Variants in CPT2 observed in about 807,000 individuals in gnomAD.
CPT2 encodes carnitine palmitoyltransferase 2.
A neutral mutation model predicts 48.6 loss-of-function variants in CPT2; 37 were observed. That is an observed-to-expected ratio of 0.76 (90% confidence interval 0.59 to 1.00). The LOEUF is 1.00. Among genes scored for constraint, CPT2 ranks in the 50% least tolerant of loss-of-function variants. The pLI is 0.00. For synonymous variants in CPT2, 319 were observed against 326.9 expected (o/e 0.98, Z 0.26); for missense variants, 772 against 825.6 (o/e 0.94, Z 0.80).
rs2100254559 is a variant in CPT2, at chr1:53,196,934, T to C, written c.-10T>C. 6.5e-7 allele frequency: 1 copy of C among 1,544,006 alleles called. No homozygotes were observed. The highest frequency in any genetic ancestry group is 1.4e-5 in the African/African-American group (1 of 71,280). On this transcript the variant is annotated 5_prime_UTR_variant, in exon 1 of 5. Transcript: ENST00000371486. ...TTGCCGCGTTCTCGCCGCCGCAGGC[T>C]CCCGGGACGATGGTGCCCCGCCTGC... is the stretch of plus-strand genomic sequence containing the variant.
In CPT2 at chr1:53,211,265, A is replaced by T. The variant is rs1645426364; in HGVS notation, c.1591A>T (p.Met531Leu). 6.2e-7 allele frequency: 1 copy of T among 1,612,192 alleles called. No individual in the cohort carries two copies. The highest frequency in any genetic ancestry group is 8.5e-7 in the Non-Finnish European group (1 of 1,179,142). Residue 531 changes from methionine to leucine, a missense_variant, in exon 4 of 5, where the codon ATG (methionine) becomes TTG (leucine). Met to Leu is a conservative substitution (Grantham distance 15, BLOSUM62 2). Coordinates refer to ENST00000371486, the MANE Select transcript of CPT2 (RefSeq NM_000098.3). ...GCACAGTGCTGGTGAGCTTCAGCAGATGATGGTTGAGTGCTCCAAGTACCA... is the reference window on the plus strand; with the variant it reads ...GCACAGTGCTGGTGAGCTTCAGCAGTTGATGGTTGAGTGCTCCAAGTACCA... The part of the protein sequence containing the change: ...SRHSAGELQQ[M>L]MVECSKYHGQ...
chr1:53,200,854 C>A, intron 2 of CPT2, 55 bp downstream of exon 2: 1 of 1,388,874 alleles, frequency 7.2e-7, no homozygotes, highest in Non-Finnish European at 1.0e-6. Context: ...GACAGGCTGG[C>A]AAGTAGTGGT....
In CPT2 at chr1:53,210,156, G is replaced by A. The variant is rs1051337309; in HGVS notation, c.482G>A (p.Arg161Gln). The A allele has an allele frequency of 4.3e-6, 7 of 1,614,044 alleles. No individual in the cohort carries two copies. The East Asian group carries it at 8.9e-5, about 21-fold the overall frequency. Residue 161 changes from arginine to glutamine, a missense_variant, in exon 4 of 5, where the codon CGG (arginine) becomes CAG (glutamine). Coordinates refer to ENST00000371486, the MANE Select transcript of CPT2 (RefSeq NM_000098.3). ...RATNMTVSAI[R>Q]FLKTLRAGLL... is the part of the protein sequence containing the mutation. ...ACCAACATGACTGTTTCTGCCATCC[G>A]GTTTCTGAAGACACTCCGGGCTGGC...
At position 53,201,013 on chromosome 1, in the gene CPT2, T is replaced by C. The variant is rs186415169; in HGVS notation, c.233+214T>C. ...TCCTCTAAACAGGCTCAACAGGAGA[T>C]AGTTTATAAGCCAGAATGCCAAATG... On this transcript the variant is annotated intron_variant, in intron 2 of 4. Coordinates refer to ENST00000371486, the MANE Select transcript of CPT2 (RefSeq NM_000098.3). 145 of 599,998 alleles carry C rather than the reference T, an allele frequency of 2.4e-4. 1 individual carries two copies. In the African/African-American group the frequency reaches 2.4e-3, roughly 10 times the overall value. 37.2% of individuals were successfully genotyped at this position (599,998 alleles called of 1,614,324 possible). A position where few individuals can be genotyped will look rare whatever the true frequency, so the allele number is the denominator to read the frequency against.
chr1:53,210,356 A>C lies in CPT2; in HGVS notation c.682A>C (p.Lys228Gln). ...FRLFNSTRLP[K>Q]PSRDELFTDD... The stretch of plus-strand genomic sequence containing the variant: ...GCTTTTCAACTCAACTCGTTTACCC[A>C]AACCCAGTCGGGATGAACTCTTCAC... The change falls in exon 4 of 5, where the codon AAA (lysine) becomes CAA (glutamine). Residue 228 changes from lysine (K) to glutamine (Q), a missense_variant. Coordinates refer to ENST00000371486, the MANE Select transcript of CPT2 (RefSeq NM_000098.3). 3.1e-6 allele frequency: 5 copies of C among 1,614,124 alleles called. No homozygotes were observed. Among genetic ancestry groups the C allele is most frequent in the Non-Finnish European group, 4.2e-6 (5 of 1,180,024 alleles).
In CPT2 at chr1:53,202,335, A is replaced by G. The variant is rs761554630; in HGVS notation, c.246A>G (p.Gln82=). The change falls in exon 3 of 5, where the codon CAA becomes CAG. Residue 82 remains glutamine, a synonymous_variant. Transcript: ENST00000371486. ...LNDGQFRKTE[Q]FCKSFENGIG... The stretch of plus-strand genomic sequence containing the variant: ...TTGAATGTTTTAGGAAAACAGAACA[A>G]TTTTGCAAGAGTTTTGAAAATGGGA... 3 of 1,613,752 alleles carry G rather than the reference A, an allele frequency of 1.9e-6. No homozygotes were observed. The highest frequency in any genetic ancestry group is 3.3e-5 in the Admixed American group (2 of 60,014).
At chr1:53,206,777 A>G (rs1305589766) in intron 3 of CPT2, among the ~76,000 whole-genome samples, 1 of 152,248 alleles carries the variant, frequency 6.6e-6, no homozygotes, top group Admixed American at 6.5e-5. Context: ...GGCAGAAGGA[A>G]CTTGCCTTTA....
chr1:53,203,387 C>T (rs1645366090), intron 3 of CPT2: 1 of 152,190 alleles, frequency 6.6e-6, no homozygotes, highest in African/African-American at 2.4e-5. Context: ...CATAGAAACA[C>T]TATTGTCAGC....
chr1:53,213,302 C>G lies in CPT2; in HGVS notation c.1684C>G (p.Leu562Val). ...CCGACACTTGTTTGCTCTGCGGCAT[C>G]TGGCAGCAGCCAAAGGGATCATCTT... is the stretch of plus-strand genomic sequence containing the variant. ...FDRHLFALRH[L>V]AAAKGIILPE... The change falls in exon 5 of 5, where the codon CTG (leucine) becomes GTG (valine). Residue 562 changes from leucine to valine, a missense_variant. Physicochemically the swap from Leu to Val is conservative, Grantham distance 32. Transcript: ENST00000371486. 1 of 1,614,216 alleles carries G rather than the reference C, an allele frequency of 6.2e-7. No homozygotes were observed. Among genetic ancestry groups the G allele is most frequent in the Non-Finnish European group, 8.5e-7 (1 of 1,180,048 alleles).
chr1:53,210,833 G>C lies in CPT2; in HGVS notation c.1159G>C (p.Val387Leu). Reference protein sequence around the residue: ...GVAVLRFFNEVFKDSTQTPAV... With the variant: ...GVAVLRFFNELFKDSTQTPAV... ...GGCAGTGCTCAGATTTTTTAATGAA[G>C]TATTTAAAGACAGCACTCAGACCCC... Residue 387 changes from valine (V) to leucine (L), a missense_variant, in exon 4 of 5, where the codon GTA (valine) becomes CTA (leucine). Val to Leu is a conservative substitution (Grantham distance 32). Coordinates refer to ENST00000371486, the MANE Select transcript of CPT2 (RefSeq NM_000098.3). 6.2e-7 allele frequency: 1 copy of C among 1,614,132 alleles called. No individual in the cohort carries two copies. The highest frequency in any genetic ancestry group is 8.5e-7 in the Non-Finnish European group (1 of 1,180,022).
intron 3 of CPT2, 82 bp downstream of exon 3, chr1:53,202,511 C>T: frequency 8.4e-7 from 1 of 1,194,344 alleles, no homozygotes; most frequent in Non-Finnish European, 1.2e-6. Flanking sequence ...CTGTTTTGGT[C>T]TCAGAGATAT....
intron 3 of CPT2, among the ~76,000 whole-genome samples, chr1:53,207,089 G>A (rs1645394169): frequency 6.6e-6 from 1 of 152,180 alleles, no homozygotes; most frequent in Non-Finnish European, 1.5e-5. Flanking sequence ...AAAAGTGTTT[G>A]GCAGTTCCTA....
rs1359602721 is a variant in CPT2, at chr1:53,213,468, A to G, written c.1850A>G (p.His617Arg). Residue 617 changes from histidine (H) to arginine (R), a missense_variant, in exon 5 of 5, where the codon CAT becomes CGT. By Grantham distance (29) the His-to-Arg change is conservative. Coordinates refer to ENST00000371486, the MANE Select transcript of CPT2 (RefSeq NM_000098.3). ...GGCTTTGGTGTTGGGTATGCTGTTC[A>G]TGACAACTGGATAGGCTGCAATGTC... ...SDGFGVGYAV[H>R]DNWIGCNVSS... 17 of 1,614,262 alleles carry G rather than the reference A, an allele frequency of 1.1e-5. No homozygotes were observed. The highest frequency in any genetic ancestry group is 1.4e-5 in the Non-Finnish European group (16 of 1,180,040).
intron 4 of CPT2, among the ~76,000 whole-genome samples, chr1:53,211,888 C>T (rs997710733): frequency 1.2e-4 from 18 of 151,288 alleles, no homozygotes; most frequent in South Asian, 4.2e-4. Flanking sequence ...CGTGAGCCAC[C>T]GCACCTGGCC....
In CPT2 at chr1:53,197,008, G is replaced by T. The variant is rs1057287341; in HGVS notation, c.65G>T (p.Ser22Ile). 22 of 1,533,544 alleles carry T rather than the reference G, an allele frequency of 1.4e-5. No individual in the cohort carries two copies. Among genetic ancestry groups the T allele is most frequent in the Non-Finnish European group, 1.7e-5 (20 of 1,144,662 alleles). 95.0% of individuals were successfully genotyped at this position (1,533,544 alleles called of 1,614,324 possible). A position where few individuals can be genotyped will look rare whatever the true frequency, so the allele number is the denominator to read the frequency against. The change falls in exon 1 of 5, where the codon AGT becomes ATT. Residue 22 changes from serine to isoleucine, a missense_variant. Physicochemically the swap from Ser to Ile is moderately radical, Grantham distance 142 (BLOSUM62 -2). Transcript: ENST00000371486. ...CCCGCGGTTGGTCCGGGAGCCCCCAGTCGGCCCCTCAGCGCCGGCTCCGGG... is the reference window on the plus strand; with the variant it reads ...CCCGCGGTTGGTCCGGGAGCCCCCATTCGGCCCCTCAGCGCCGGCTCCGGG... ...RGPAVGPGAP[S>I]RPLSAGSGPG...
intron 4 of CPT2, chr1:53,212,806 T>G (rs1005979712): frequency 2.4e-6 from 1 of 423,240 alleles, no homozygotes; most frequent in Non-Finnish European, 4.2e-6. Context: ...ACTGGCCCCG[T>G]TACACAGCAA....
At position 53,213,953 on chromosome 1, in the gene CPT2, G is replaced by T; in HGVS notation, c.*358G>T. 1 of 292,788 alleles carries T rather than the reference G, an allele frequency of 3.4e-6. No homozygotes were observed. The highest frequency in any genetic ancestry group is 3.4e-5 in the South Asian group (1 of 29,118). The allele number at this position is 292,788 out of a possible 1,614,324, so 18.1% of individuals were successfully genotyped here. ...AAACAAAAAAGAAAAAAAAACTGGG[G>T]CCTGTGTAGCCAGTGGGTGCTATTC... On this transcript the variant is annotated 3_prime_UTR_variant, in exon 5 of 5. Coordinates refer to ENST00000371486, the MANE Select transcript of CPT2 (RefSeq NM_000098.3).
rs1557717264 is a variant in CPT2 at position 53,210,324 on chromosome 1, A to G, written c.650A>G (p.Tyr217Cys). 3 of 1,614,000 alleles carry G rather than the reference A, an allele frequency of 1.9e-6. No homozygotes were observed. Among genetic ancestry groups the G allele is most frequent in the Non-Finnish European group, 1.7e-6 (2 of 1,180,014 alleles). Reference sequence around the variant, plus strand: ...GCGTATCCCCTGGATATGTCCCAGTATTTTCGGCTTTTCAACTCAACTCGT... The same window carrying G: ...GCGTATCCCCTGGATATGTCCCAGTGTTTTCGGCTTTTCAACTCAACTCGT... ...VNAYPLDMSQYFRLFNSTRLP... is the reference protein window; with the variant it reads ...VNAYPLDMSQCFRLFNSTRLP... Residue 217 changes from tyrosine (Y) to cysteine (C), a missense_variant, in exon 4 of 5, where the codon TAT becomes TGT. Coordinates refer to ENST00000371486, the MANE Select transcript of CPT2 (RefSeq NM_000098.3).
At chr1:53,200,672 C>T in intron 1 of CPT2, 47 bp from the exon 2 acceptor site, 2 of 1,396,894 alleles carry the variant, frequency 1.4e-6, no homozygotes, top group East Asian at 4.6e-5. Context: ...GCTAATTAAC[C>T]TCTTCCATAT....
Sources: allele counts gnomAD v4.1 joint callset (sites outside exome capture counted in the v4.1 genomes callset), GRCh38; gene constraint gnomAD v4.1.1; transcripts MANE v1.5; gene names NCBI Gene and HGNC (gene_info 2026-07-23, HGNC 2026-07-21).